Variants in CDH12 observed in about 807,000 individuals in gnomAD.
The protein encoded by CDH12 is cadherin-12.
CDH12 carries 41 observed loss-of-function variants against 74.1 expected under a neutral mutation model. The observed-to-expected ratio is 0.55, with a 90% CI of 0.43 to 0.72. CDH12 has a LOEUF of 0.72. Ranked by LOEUF, CDH12 falls within the 30% of genes least tolerant of loss-of-function variation. The pLI, the probability that CDH12 is intolerant of heterozygous loss-of-function variation, is 0.00. For synonymous variants in CDH12, 399 were observed against 355.0 expected, an observed-to-expected ratio of 1.12 and a Z score of -1.39; for missense variants, 945 against 977.2, an observed-to-expected ratio of 0.97 and a Z score of 0.44.
intron 1 of CDH12, among the ~76,000 whole-genome samples, chr5:22,789,366 T>C (rs1427835564): frequency 6.6e-6 from 1 of 152,006 alleles, no homozygotes; most frequent in East Asian, 1.9e-4. Flanking sequence ...AAAATTGTAA[T>C]ATAGAGTATG....
chr5:22,757,053 A>T (rs1460676229), intron 1 of CDH12, among the ~76,000 whole-genome samples: 2 of 151,980 alleles, frequency 1.3e-5, no homozygotes, highest in African/African-American at 4.8e-5. Context: ...CTCAATAGGG[A>T]TTTAGGTGGG....
chr5:22,736,739 G>A lies in CDH12; in HGVS notation c.-523+116319C>T, dbSNP rs1478551501. Among the ~76,000 whole-genome samples, 4 of 151,346 alleles carry A rather than the reference G, an allele frequency of 2.6e-5. 1 individual carries two copies. Among genetic ancestry groups the A allele is most frequent in the Non-Finnish European group, 5.9e-5 (4 of 67,640 alleles). On this transcript the variant is annotated intron_variant, in intron 1 of 14. Coordinates refer to ENST00000382254, the MANE Select transcript of CDH12 (RefSeq NM_004061.5). ...AAACACACACACACACACACAAAAA[G>A]CCTAGAAATACAGAAGTCATAGTTG...
At chr5:21,972,662 A>G (rs996827792) in intron 6 of CDH12, among the ~76,000 whole-genome samples, 2 of 152,156 alleles carry the variant, frequency 1.3e-5, no homozygotes, top group Admixed American at 6.6e-5. Context: ...CAGAAACAGC[A>G]GATACCACAA....
intron 1 of CDH12, among the ~76,000 whole-genome samples, chr5:22,789,371 A>C (rs1747797053): frequency 6.6e-6 from 1 of 152,224 alleles, no homozygotes; most frequent in African/African-American, 2.4e-5. Context: ...TGTAATATAG[A>C]GTATGATATA....
At chr5:21,891,421 T>C (rs970725592) in intron 6 of CDH12, among the ~76,000 whole-genome samples, 8 of 152,070 alleles carry the variant, frequency 5.3e-5, no homozygotes, top group African/African-American at 1.9e-4. Context: ...TAAAATCTCA[T>C]TTTGCTTTCC....
At chr5:22,570,358 A>C (rs1434619028) in intron 1 of CDH12, among the ~76,000 whole-genome samples, 1 of 152,074 alleles carries the variant, frequency 6.6e-6, no homozygotes, top group Non-Finnish European at 1.5e-5. Flanking sequence ...CATGAAATGT[A>C]TTTCTTAAAT....
chr5:22,697,134 A>G (rs550571698), intron 1 of CDH12, among the ~76,000 whole-genome samples: 1 of 152,292 alleles, frequency 6.6e-6, no homozygotes, highest in African/African-American at 2.4e-5. Context: ...ACATCATGCT[A>G]CCATAGTCTT....
intron 1 of CDH12, among the ~76,000 whole-genome samples, chr5:22,614,074 C>T (rs978019295): frequency 6.6e-6 from 1 of 151,934 alleles, no homozygotes; most frequent in Non-Finnish European, 1.5e-5. Context: ...TTATAAAGTA[C>T]ATGGAATCAT....
At chr5:22,117,771 G>A (rs893583866) in intron 4 of CDH12, among the ~76,000 whole-genome samples, 3 of 150,554 alleles carry the variant, frequency 2.0e-5, no homozygotes, top group Admixed American at 1.3e-4. Flanking sequence ...CACTTATATG[G>A]GTGTATCTGT....
chr5:21,771,391 T>A (rs1270233954), intron 11 of CDH12, among the ~76,000 whole-genome samples: 1 of 152,146 alleles, frequency 6.6e-6, no homozygotes, highest in African/African-American at 2.4e-5. Context: ...TTCAGTTATG[T>A]TTAAATGGCA....
At chr5:21,812,733 A>C (rs894628104) in intron 9 of CDH12, among the ~76,000 whole-genome samples, 7 of 152,154 alleles carry the variant, frequency 4.6e-5, no homozygotes, top group African/African-American at 1.7e-4. Flanking sequence ...CAATATATAC[A>C]ATAGATAGGT....
intron 4 of CDH12, among the ~76,000 whole-genome samples, chr5:22,204,162 G>GTTTTTTTTTTTTTTTT (rs113456439): frequency 7.7e-6 from 1 of 129,844 alleles, no homozygotes. Flanking sequence ...TGTTTTGTTT[G>GTTTTTTTTTTTTTTTT]TTTTTTTTTT....
At chr5:22,734,556 C>A (rs1004276747) in intron 1 of CDH12, among the ~76,000 whole-genome samples, 25 of 151,892 alleles carry the variant, frequency 1.6e-4, no homozygotes, top group African/African-American at 5.6e-4. Context: ...AGTTCAAGGG[C>A]TGGCTGGTTT....
chr5:22,661,183 T>G (rs562491662), intron 1 of CDH12, among the ~76,000 whole-genome samples: 3 of 152,288 alleles, frequency 2.0e-5, no homozygotes, highest in African/African-American at 7.2e-5. Flanking sequence ...CTTGATCATT[T>G]CAGAGCTTCA....
intron 5 of CDH12, among the ~76,000 whole-genome samples, chr5:22,011,011 A>C (rs1218416506): frequency 6.6e-6 from 1 of 152,088 alleles, no homozygotes; most frequent in Non-Finnish European, 1.5e-5. Context: ...TTACTAGCCC[A>C]GGTTTAGCTG....
In CDH12 at chr5:22,415,759, G is replaced by A. The variant is rs975382559; in HGVS notation, c.-427-10408C>T. On this transcript the variant is annotated intron_variant, in intron 2 of 14. Transcript: ENST00000382254. ...TATATTATGTATCACAAGTTTTACTGATACAAAAATTGGTTCTAGGAGTGG... is the reference window on the plus strand; with the variant it reads ...TATATTATGTATCACAAGTTTTACTAATACAAAAATTGGTTCTAGGAGTGG... Among the ~76,000 whole-genome samples the A allele has an allele frequency of 2.0e-5, 3 of 152,124 alleles. No homozygotes were observed. The East Asian group carries it at 5.8e-4, about 29-fold the overall frequency.
At chr5:21,808,264 G>A (rs1484656337) in intron 9 of CDH12, among the ~76,000 whole-genome samples, 1 of 151,942 alleles carries the variant, frequency 6.6e-6, no homozygotes, top group Non-Finnish European at 1.5e-5. Flanking sequence ...CTCCCAAAAG[G>A]CCCTGAGCAA....
intron 6 of CDH12, among the ~76,000 whole-genome samples, chr5:21,880,503 C>T (rs1561267744): frequency 4.2e-4 from 3 of 7,116 alleles, no homozygotes; most frequent in Non-Finnish European, 6.0e-3. Context: ...TCCTTCCTTC[C>T]TCCCTCCCTC....
At position 22,626,152 on chromosome 5, in the gene CDH12, G is replaced by A. The variant is rs557440296; in HGVS notation, c.-522-120788C>T. 1.7e-3 allele frequency among the ~76,000 whole-genome samples: 255 copies of A among 152,242 alleles called. 1 individual carries two copies. The highest frequency in any genetic ancestry group is 5.8e-3 in the African/African-American group (240 of 41,552). On this transcript the variant is annotated intron_variant, in intron 1 of 14. Transcript: ENST00000382254. ...GTTGGCACCCTACCCCCCCCAACAT[G>A]TGGGCACTCTGCCTCACCATTGTTG... is the stretch of plus-strand genomic sequence containing the variant.
Sources: gnomAD v4.1 joint callset for allele counts (sites outside exome capture counted in the v4.1 genomes callset) on GRCh38, gnomAD v4.1.1 for gene constraint, MANE v1.5 for transcripts, NCBI Gene and HGNC (gene_info 2026-07-23, HGNC 2026-07-21) for gene names.